SYNC: variants seen among roughly 807,000 people sequenced by gnomAD.
SYNC encodes syncoilin, intermediate filament protein.
Under a neutral mutation model 49.5 loss-of-function variants are expected in SYNC, and 38 were observed. The observed-to-expected ratio is 0.77, with a 90% CI of 0.59 to 1.01. SYNC has a LOEUF of 1.01. SYNC is among the 50% of genes least tolerant of loss of function. The probability of loss-of-function intolerance (pLI) is 0.00; values close to 1 mark genes in which losing one functional copy is unlikely to be tolerated. For synonymous variants in SYNC, 201 were observed against 230.8 expected, an observed-to-expected ratio of 0.87 and a Z score of 1.17; for missense variants, 579 against 580.6, an observed-to-expected ratio of 1.00 and a Z score of 0.03.
chr1:32,680,289 T>C lies in SYNC; in HGVS notation c.*1561A>G. 1 of 1,272,950 alleles carries C rather than the reference T, an allele frequency of 7.9e-7. No individual in the cohort carries two copies. The allele number at this position is 1,272,950 out of a possible 1,614,324, so 78.9% of individuals were successfully genotyped here. A position where few individuals can be genotyped will look rare whatever the true frequency, so the allele number is the denominator to read the frequency against. On this transcript the variant is annotated 3_prime_UTR_variant, in exon 5 of 5. Coordinates refer to ENST00000409190, the MANE Select transcript of SYNC (RefSeq NM_030786.3). ...ATTCATATATTTTTGCTCGTTAGTG[T>C]ATTTCTTGAGCTGTTTTCATGTTGT...
intron 2 of SYNC, among the ~76,000 whole-genome samples, chr1:32,687,772 T>C (rs576740489): frequency 6.6e-6 from 1 of 151,448 alleles, no homozygotes; most frequent in Non-Finnish European, 1.5e-5. Flanking sequence ...TTTTTGTGTT[T>C]CCATGCTTTT....
intron 1 of SYNC, among the ~76,000 whole-genome samples, chr1:32,701,147 T>A (rs1043752702): frequency 6.6e-6 from 1 of 152,122 alleles, no homozygotes; most frequent in African/African-American, 2.4e-5. Context: ...ACTCCTGACC[T>A]CAGGTGATCC....
chr1:32,690,759 G>A (rs527921170), intron 2 of SYNC, among the ~76,000 whole-genome samples: 48 of 151,612 alleles, frequency 3.2e-4, no homozygotes, highest in African/African-American at 1.1e-3. Flanking sequence ...AAGACCAGCT[G>A]GCTAACATGG....
chr1:32,696,318 T>C (rs1308437820), intron 1 of SYNC, among the ~76,000 whole-genome samples: 1 of 151,956 alleles, frequency 6.6e-6, no homozygotes, highest in Non-Finnish European at 1.5e-5. Context: ...ACAATTATAA[T>C]AATTTTTTTT....
At chr1:32,690,429 G>A (rs183846560) in intron 2 of SYNC, among the ~76,000 whole-genome samples, 73 of 149,632 alleles carry the variant, frequency 4.9e-4, no homozygotes, top group Middle Eastern at 7.5e-3. Context: ...GGTGGATCAC[G>A]AGGTCAGGAG....
intron 2 of SYNC, among the ~76,000 whole-genome samples, chr1:32,686,874 T>C (rs1649866635): frequency 6.6e-6 from 1 of 152,190 alleles, no homozygotes; most frequent in African/African-American, 2.4e-5. Flanking sequence ...GGTAACAGGC[T>C]TTTTAGTGGT....
Position 32,695,950 on chromosome 1 carries a change from C to A in SYNC, c.148G>T (p.Glu50Ter), listed in dbSNP as rs1424975164. ...ATGTCTTCGAGGTTTAAGGACCCCT[C>A]TGAAGATAGAGTAACTTCTGGGTTC... ...ALNPEVTLSSEGSLNLEDILY... is the reference protein window; with the variant it reads ...ALNPEVTLSS The change falls in exon 2 of 5, where the codon GAG becomes TAG. Residue 50 changes from glutamate to a stop codon, truncating the protein, a stop_gained. Coordinates refer to ENST00000409190, the MANE Select transcript of SYNC (RefSeq NM_030786.3). LOFTEE classifies it high-confidence loss of function. The A allele has an allele frequency of 6.5e-7, 1 of 1,548,952 alleles. No individual in the cohort carries two copies. Among genetic ancestry groups the A allele is most frequent in the South Asian group, 1.2e-5 (1 of 84,066 alleles).
chr1:32,695,128 G>A lies in SYNC; in HGVS notation c.970C>T (p.Leu324Phe). ...DGHFLQESRR[L>F]SAQFENLMAE... Reference sequence around the variant, plus strand: ...ATGAGATTTTCAAACTGGGCAGAGAGTCGCCGGCTTTCCTGGAGAAAGTGC... The same window carrying A: ...ATGAGATTTTCAAACTGGGCAGAGAATCGCCGGCTTTCCTGGAGAAAGTGC... The change falls in exon 2 of 5, where the codon CTC becomes TTC. Residue 324 changes from leucine (L) to phenylalanine (F), a missense_variant. Physicochemically the swap from Leu to Phe is conservative, Grantham distance 22 (BLOSUM62 0). Transcript: ENST00000409190. 1 of 1,610,992 alleles carries A rather than the reference G, an allele frequency of 6.2e-7. No homozygotes were observed. The highest frequency in any genetic ancestry group is 8.5e-7 in the Non-Finnish European group (1 of 1,178,834).
chr1:32,684,530 G>T, intron 2 of SYNC, 148 bp from the exon 3 acceptor site: 1 of 1,165,396 alleles, frequency 8.6e-7, no homozygotes, highest in Non-Finnish European at 1.2e-6. Flanking sequence ...TATGAAACAG[G>T]TTCAAAGAAG....
chr1:32,698,851 G>A (rs1020844587), intron 1 of SYNC, among the ~76,000 whole-genome samples: 16 of 149,972 alleles, frequency 1.1e-4, no homozygotes, highest in Non-Finnish European at 2.2e-4. Flanking sequence ...CATGATCATA[G>A]CTCACTGCAG....
chr1:32,691,856 T>G (rs966427746), intron 2 of SYNC, among the ~76,000 whole-genome samples: 1 of 152,206 alleles, frequency 6.6e-6, no homozygotes, highest in Non-Finnish European at 1.5e-5. Context: ...AGCACTGGTC[T>G]AGATTCTCCC....
At chr1:32,694,666 A>G (rs1351756048) in intron 2 of SYNC, among the ~76,000 whole-genome samples, 199 bp downstream of exon 2, 1 of 151,914 alleles carries the variant, frequency 6.6e-6, no homozygotes, top group Non-Finnish European at 1.5e-5. Context: ...AAAAAAAAAA[A>G]CAAAAAACAG....
At chr1:32,693,971 TCA>T (rs1430865318) in intron 2 of SYNC, among the ~76,000 whole-genome samples, 1 of 152,164 alleles carries the variant, frequency 6.6e-6, no homozygotes, top group Non-Finnish European at 1.5e-5. Flanking sequence ...CTGCGGTGGC[TCA>T]CACCTATAAT....
rs1426692057 is a variant in SYNC, at chr1:32,681,265, A to G, written c.*585T>C. On this transcript the variant is annotated 3_prime_UTR_variant, in exon 5 of 5. Coordinates refer to ENST00000409190, the MANE Select transcript of SYNC (RefSeq NM_030786.3). Reference sequence around the variant, plus strand: ...TCTCAAATGGTTTCTTTTCAAGTCTAGTTGTTTTAGAGTATAGTGAGAAAT... The same window carrying G: ...TCTCAAATGGTTTCTTTTCAAGTCTGGTTGTTTTAGAGTATAGTGAGAAAT... 6.6e-6 allele frequency: 1 copy of G among 152,532 alleles called. No individual in the cohort carries two copies. Among genetic ancestry groups the G allele is most frequent in the Admixed American group, 6.5e-5 (1 of 15,292 alleles). The allele number at this position is 152,532 out of a possible 1,614,324, so 9.4% of individuals were successfully genotyped here. A position where few individuals can be genotyped will look rare whatever the true frequency, so the allele number is the denominator to read the frequency against.
chr1:32,696,408 A>T (rs905509065), intron 1 of SYNC, among the ~76,000 whole-genome samples: 21 of 151,132 alleles, frequency 1.4e-4, no homozygotes, highest in Non-Finnish European at 2.4e-4. Flanking sequence ...TCTGTCCCCC[A>T]GTTCATGCGA....
At chr1:32,686,759 T>C (rs1649859170) in intron 2 of SYNC, among the ~76,000 whole-genome samples, 1 of 151,846 alleles carries the variant, frequency 6.6e-6, no homozygotes, top group African/African-American at 2.4e-5. Flanking sequence ...ATTAATCTCA[T>C]GTTTCATGTG....
At position 32,694,966 on chromosome 1, in the gene SYNC, G is replaced by A; in HGVS notation, c.1132C>T (p.Leu378=). 1.9e-6 allele frequency: 3 copies of A among 1,614,040 alleles called. No homozygotes were observed. In the East Asian group the frequency reaches 6.7e-5, roughly 36 times the overall value. ...CGGAGCTGCCGGGCCTCTGCTTGCA[G>A]GGGTCTCAGAGCCTCCTTCATTTCC... is the stretch of plus-strand genomic sequence containing the variant. ...IQEMKEALRP[L]QAEARQLRLQ... The change falls in exon 2 of 5, where the codon CTG becomes TTG. Residue 378 remains leucine (L), a synonymous_variant. Transcript: ENST00000409190.
chr1:32,699,153 C>CTT (rs61577689), intron 1 of SYNC, among the ~76,000 whole-genome samples: 45,538 of 103,918 alleles, frequency 0.44, 11,794 homozygotes, highest in African/African-American at 0.64. Context: ...CTTTTCTTTT[C>CTT]TTTTTTTTTT....
intron 2 of SYNC, among the ~76,000 whole-genome samples, chr1:32,694,354 C>CA (rs1432047644): frequency 7.6e-5 from 11 of 145,202 alleles, no homozygotes; most frequent in South Asian, 2.2e-4. Context: ...GACCCTGTCG[C>CA]AAAAAAAACA....
Sources: allele counts gnomAD v4.1 joint callset (sites outside exome capture counted in the v4.1 genomes callset), GRCh38; gene constraint gnomAD v4.1.1; transcripts MANE v1.5; gene names NCBI Gene and HGNC (gene_info 2026-07-23, HGNC 2026-07-21).